The following LSAMP variants were observed in gnomAD, a reference collection of about 807,000 sequenced individuals.
LSAMP encodes limbic system-associated membrane protein.
LSAMP carries 7 observed loss-of-function variants against 38.6 expected under a neutral mutation model. That is an observed-to-expected ratio of 0.18 (90% CI 0.10 to 0.34). LSAMP has a LOEUF of 0.34. Ranked by LOEUF, LSAMP falls within the 10% of genes least tolerant of loss-of-function variation. The pLI is 1.00. For synonymous variants in LSAMP, 154 were observed against 166.8 expected (o/e 0.92, Z 0.59); for missense variants, 313 against 420.0 (o/e 0.75, Z 2.23).
At chr3:115,842,178 A>T (rs1265003734) in intron 5 of LSAMP, among the ~76,000 whole-genome samples, 185 bp from the exon 6 acceptor site, 2 of 152,230 alleles carry the variant, frequency 1.3e-5, no homozygotes, top group Admixed American at 1.3e-4. Context: ...CCATCAACAG[A>T]GAAAACTAGG....
chr3:116,375,919 T>G (rs769843642), intron 1 of LSAMP, among the ~76,000 whole-genome samples: 14 of 151,986 alleles, frequency 9.2e-5, no homozygotes, highest in Non-Finnish European at 1.5e-5. Flanking sequence ...TGTACATCAT[T>G]TATGACAATT....
At chr3:116,023,188 A>G (rs1940687044) in intron 2 of LSAMP, among the ~76,000 whole-genome samples, 1 of 146,664 alleles carries the variant, frequency 6.8e-6, no homozygotes, top group African/African-American at 2.5e-5. Context: ...CTATATATAT[A>G]TACACACATA....
At chr3:116,305,733 T>C (rs1343964850) in intron 1 of LSAMP, among the ~76,000 whole-genome samples, 2 of 151,992 alleles carry the variant, frequency 1.3e-5, no homozygotes, top group Admixed American at 6.6e-5. Flanking sequence ...TATTTTGTAA[T>C]AGTATGTTGA....
intron 3 of LSAMP, among the ~76,000 whole-genome samples, chr3:116,015,207 C>T (rs1382806317): frequency 6.6e-6 from 1 of 152,080 alleles, no homozygotes; most frequent in African/African-American, 2.4e-5. Flanking sequence ...CTCAGTGTGC[C>T]TTTTGAGTTT....
chr3:116,209,623 C>T (rs1489576945), intron 1 of LSAMP, among the ~76,000 whole-genome samples: 2 of 152,134 alleles, frequency 1.3e-5, no homozygotes, highest in Non-Finnish European at 1.5e-5. Flanking sequence ...GCTTTGATGT[C>T]GGAGAAGTAA....
chr3:115,833,991 A>C (rs1265981395), intron 6 of LSAMP, among the ~76,000 whole-genome samples: 1 of 152,130 alleles, frequency 6.6e-6, no homozygotes, highest in Non-Finnish European at 1.5e-5. Flanking sequence ...CTGAATGATT[A>C]TCTTGTTTTT....
rs4496480 is a variant in LSAMP at position 116,206,627 on chromosome 3, G to A, written c.156-120071C>T. ...TGTCTTTGTTCTCGTTGGTTTCAAA[G>A]AACATCTTTATTTCTGCCTTCATTT... On this transcript the variant is annotated intron_variant, in intron 1 of 6. Coordinates refer to ENST00000490035, the MANE Select transcript of LSAMP (RefSeq NM_002338.5). 1.6e-3 allele frequency among the ~76,000 whole-genome samples: 241 copies of A among 147,864 alleles called. 3 individuals carry two copies. Among genetic ancestry groups the A allele is most frequent in the African/African-American group, 5.7e-3 (232 of 40,398 alleles).
chr3:116,278,485 TAAAC>T (rs955328042), intron 1 of LSAMP, among the ~76,000 whole-genome samples: 2 of 152,026 alleles, frequency 1.3e-5, no homozygotes, highest in African/African-American at 4.8e-5. Flanking sequence ...TTGGGAGAAA[TAAAC>T]AAGAGAAATG....
chr3:116,379,722 A>T (rs143606945), intron 1 of LSAMP, among the ~76,000 whole-genome samples: 4 of 152,050 alleles, frequency 2.6e-5, no homozygotes, highest in Admixed American at 2.0e-4. Context: ...GGTGAAAACC[A>T]TAAGAATCAG....
At chr3:115,856,636 A>G (rs1365000544) in intron 3 of LSAMP, among the ~76,000 whole-genome samples, 1 of 151,874 alleles carries the variant, frequency 6.6e-6, no homozygotes, top group Non-Finnish European at 1.5e-5. Context: ...AAAAAAAGAA[A>G]AGAAAACAGA....
chr3:116,333,918 G>C (rs1376189275), intron 1 of LSAMP, among the ~76,000 whole-genome samples: 1 of 151,548 alleles, frequency 6.6e-6, no homozygotes, highest in Non-Finnish European at 1.5e-5. Flanking sequence ...ACAAATTAGA[G>C]ATAGAAGAAA....
intron 1 of LSAMP, among the ~76,000 whole-genome samples, chr3:116,239,093 C>T (rs916721747): frequency 2.6e-5 from 4 of 152,120 alleles, no homozygotes; most frequent in African/African-American, 9.7e-5. Flanking sequence ...TGTGTCATGT[C>T]ACCTGTGATA....
intron 2 of LSAMP, among the ~76,000 whole-genome samples, chr3:116,055,767 T>C (rs1437796748): frequency 6.6e-6 from 1 of 152,222 alleles, no homozygotes. Context: ...GAATTCCATA[T>C]GCTTTCTTTG....
rs575680755 is a variant in LSAMP at position 116,337,025 on chromosome 3, A to G, written c.155+107852T>C. On this transcript the variant is annotated intron_variant, in intron 1 of 6. Transcript: ENST00000490035. ...AGCATAAATTCTGACATGTTACAACATGGATGAACCTTAAAGAAATTATGC... is the reference window on the plus strand; with the variant it reads ...AGCATAAATTCTGACATGTTACAACGTGGATGAACCTTAAAGAAATTATGC... Among the ~76,000 whole-genome samples, 4 of 151,976 alleles carry G rather than the reference A, an allele frequency of 2.6e-5. No homozygotes were observed. The East Asian group carries it at 7.8e-4, about 30-fold the overall frequency.
At chr3:115,942,843 G>T (rs1045544133) in intron 3 of LSAMP, among the ~76,000 whole-genome samples, 26 of 152,066 alleles carry the variant, frequency 1.7e-4, no homozygotes, top group African/African-American at 6.3e-4. Flanking sequence ...TTATGTCGAC[G>T]GTGAAAACAG....
At chr3:115,823,964 A>G (rs1934328819) in intron 6 of LSAMP, among the ~76,000 whole-genome samples, 2 of 152,242 alleles carry the variant, frequency 1.3e-5, no homozygotes, top group African/African-American at 4.8e-5. Context: ...GCTTTGCTCA[A>G]TGGTGATACG....
At chr3:115,925,182 G>C (rs902530490) in intron 3 of LSAMP, among the ~76,000 whole-genome samples, 1 of 152,134 alleles carries the variant, frequency 6.6e-6, no homozygotes, top group Admixed American at 6.5e-5. Flanking sequence ...GGAGAGTGTA[G>C]AGGGAGCTTG....
chr3:115,958,250 CT>C (rs2107589339), intron 3 of LSAMP, among the ~76,000 whole-genome samples: 1 of 152,194 alleles, frequency 6.6e-6, no homozygotes, highest in East Asian at 1.9e-4. Context: ...ATTAATATAA[CT>C]TGAACTTTTA....
intron 1 of LSAMP, among the ~76,000 whole-genome samples, chr3:116,246,992 TGGTCATCTTCTTACTGA>T (rs2046613482): frequency 6.6e-6 from 1 of 152,282 alleles, no homozygotes; most frequent in African/African-American, 2.4e-5. Context: ...TTTGTGACTG[TGGTCATCTTCTTACTGA>T]TAAAGACACG....
Sources: allele counts gnomAD v4.1 joint callset (sites outside exome capture counted in the v4.1 genomes callset), GRCh38; gene constraint gnomAD v4.1.1; transcripts MANE v1.5; gene names NCBI Gene and HGNC (gene_info 2026-07-23, HGNC 2026-07-21).